The following DOCK6 variants were observed in gnomAD, a reference collection of about 807,000 sequenced individuals.
DOCK6 encodes dedicator of cytokinesis protein 6.
DOCK6 carries 167 observed loss-of-function variants against 230.3 expected under a neutral mutation model. The ratio of observed to expected loss-of-function variants is 0.73; its 90% CI spans 0.64 to 0.82. The LOEUF is 0.82. Among genes scored for constraint, DOCK6 ranks in the 40% least tolerant of loss-of-function variants. The pLI is 0.00. For synonymous variants in DOCK6, 1,148 were observed against 1,185.0 expected, an observed-to-expected ratio of 0.97 and a Z score of 0.64; for missense variants, 2,598 against 2,825.8, an observed-to-expected ratio of 0.92 and a Z score of 1.83.
intron 37 of DOCK6, 132 bp from the exon 38 acceptor site, chr19:11,209,235 C>A: frequency 9.8e-7 from 1 of 1,020,200 alleles, no homozygotes; most frequent in Non-Finnish European, 1.4e-6. Context: ...CTCACCTGTA[C>A]CCCATCCCCT....
chr19:11,215,280 T>C, intron 32 of DOCK6, 107 bp downstream of exon 32: 1 of 971,938 alleles, frequency 1.0e-6, no homozygotes, highest in East Asian at 2.6e-5. Flanking sequence ...GTAGAGAGGG[T>C]CTTACTATGT....
In DOCK6 at chr19:11,222,704, A is replaced by G; in HGVS notation, c.3240+31T>C. On this transcript the variant is annotated intron_variant, in intron 26 of 47. Transcript: ENST00000294618. This position sits in a 1 kb window ranked among gnomAD's most constrained non-coding sequence, Gnocchi z 4.0. Reference sequence around the variant, plus strand: ...ACTGAAGGTGAGAGGTTGTAGGTCAAAGAGAGGAGGCAGAAGTGAAGGCAG... The same window carrying G: ...ACTGAAGGTGAGAGGTTGTAGGTCAGAGAGAGGAGGCAGAAGTGAAGGCAG... 1 of 1,544,992 alleles carries G rather than the reference A, an allele frequency of 6.5e-7. No homozygotes were observed. The highest frequency in any genetic ancestry group is 1.4e-5 in the African/African-American group (1 of 73,384).
rs189925805 is a variant in DOCK6 at position 11,216,960 on chromosome 19, C to T, written c.3848G>A (p.Arg1283His). Reference protein sequence around the residue: ...ATDLTLPQLGRLLDLLYLCLA... With the variant: ...ATDLTLPQLGHLLDLLYLCLA... The stretch of plus-strand genomic sequence containing the variant: ...GCAAAGGTACAGCAAATCCAACAGA[C>T]GTCCCAGCTGGGGGAGTGTCAGGTC... The change falls in exon 30 of 48, where the codon CGT (arginine) becomes CAT (histidine). Residue 1283 changes from arginine (R) to histidine (H), a missense_variant. Coordinates refer to ENST00000294618, the MANE Select transcript of DOCK6 (RefSeq NM_020812.4). 2.4e-4 allele frequency: 395 copies of T among 1,613,806 alleles called. No homozygotes were observed. The highest frequency in any genetic ancestry group is 7.6e-4 in the East Asian group (34 of 44,888).
intron 1 of DOCK6, among the ~76,000 whole-genome samples, chr19:11,261,027 A>C (rs2080279122): frequency 6.6e-6 from 1 of 152,076 alleles, no homozygotes; most frequent in Non-Finnish European, 1.5e-5. Context: ...ATGATAGAAC[A>C]TAAAAATTGC....
rs1182249191 is a variant in DOCK6, at chr19:11,236,025, C to G, written c.2393-266G>C. Reference sequence around the variant, plus strand: ...CCTCCCGAGTAGCTGGGATTACAGGCATGCGCCACCACGCCCAGCTAATTT... The same window carrying G: ...CCTCCCGAGTAGCTGGGATTACAGGGATGCGCCACCACGCCCAGCTAATTT... On this transcript the variant is annotated intron_variant, in intron 20 of 47. Transcript: ENST00000294618. This position sits in a 1 kb window ranked among gnomAD's most constrained non-coding sequence, Gnocchi z 5.2. 2.0e-6 allele frequency: 1 copy of G among 500,804 alleles called. No individual in the cohort carries two copies. The highest frequency in any genetic ancestry group is 3.5e-5 in the East Asian group (1 of 28,384). 31.0% of individuals were successfully genotyped at this position (500,804 alleles called of 1,614,324 possible).
chr19:11,240,357 T>G, intron 14 of DOCK6: 3 of 1,460,732 alleles, frequency 2.1e-6, no homozygotes, highest in Non-Finnish European at 2.7e-6. Flanking sequence ...AACTCGCTTC[T>G]GCACCTTGAG....
In DOCK6 at chr19:11,237,046, T is replaced by C. The variant is rs2079860407; in HGVS notation, c.2074-167A>G. ...GTCCCAGTAGACTGAGAGGGTCCACTGGGCAGGCTGGAAATCCACATGCCA... is the reference window on the plus strand; with the variant it reads ...GTCCCAGTAGACTGAGAGGGTCCACCGGGCAGGCTGGAAATCCACATGCCA... On this transcript the variant is annotated intron_variant, in intron 18 of 47. Transcript: ENST00000294618. 2.9e-5 allele frequency: 19 copies of C among 652,598 alleles called. No individual in the cohort carries two copies. The South Asian group carries it at 3.8e-4, about 13-fold the overall frequency. The allele number at this position is 652,598 out of a possible 1,614,324, so 40.4% of individuals were successfully genotyped here.
Position 11,252,207 on chromosome 19 carries a change from T to C in DOCK6, c.419A>G (p.Asp140Gly), listed in dbSNP as rs2080128272. 1 of 1,583,456 alleles carries C rather than the reference T, an allele frequency of 6.3e-7. No individual in the cohort carries two copies. Among genetic ancestry groups the C allele is most frequent in the Admixed American group, 1.8e-5 (1 of 54,458 alleles). The stretch of plus-strand genomic sequence containing the variant: ...GCCCTTCTGTCGCTCCCGCTGTGTG[T>C]CTGTGGTGACGGGGCTGTATGCTGC... Reference protein sequence around the residue: ...LSAAYSPVTTDTQRERQKGLP... With the variant: ...LSAAYSPVTTGTQRERQKGLP... Residue 140 changes from aspartate to glycine, a missense_variant, in exon 5 of 48, where the codon GAC becomes GGC. Physicochemically the swap from Asp to Gly is moderately conservative, Grantham distance 94. Coordinates refer to ENST00000294618, the MANE Select transcript of DOCK6 (RefSeq NM_020812.4).
At chr19:11,246,371 G>T (rs2080034067) in intron 7 of DOCK6, among the ~76,000 whole-genome samples, 1 of 152,072 alleles carries the variant, frequency 6.6e-6, no homozygotes. Flanking sequence ...CTCCCAAAGT[G>T]CTGGGATAAT....
At position 11,235,821 on chromosome 19, in the gene DOCK6, T is replaced by C. The variant is rs568573572; in HGVS notation, c.2393-62A>G. The C allele has an allele frequency of 5.8e-4, 877 of 1,517,332 alleles. 7 individuals carry two copies. The South Asian group carries it at 9.0e-3, about 16-fold the overall frequency. The allele number at this position is 1,517,332 out of a possible 1,614,324, so 94.0% of individuals were successfully genotyped here. ...AGGCCTCTCACCTCCCCGCCCACTT[T>C]CCAAATATAAAGACATCAGGATTTG... is the stretch of plus-strand genomic sequence containing the variant. On this transcript the variant is annotated intron_variant, in intron 20 of 47. Transcript: ENST00000294618.
chr19:11,213,235 G>A lies in DOCK6; in HGVS notation c.4432C>T (p.Arg1478Cys), dbSNP rs762177945. Residue 1478 changes from arginine to cysteine, a missense_variant, in exon 35 of 48, where the codon CGC becomes TGC. Arg to Cys is a radical substitution (Grantham distance 180). Transcript: ENST00000294618. ...RHCGSRISTI[R>C]THASASLYLL... ...TACAGCGAGGCGCTGGCGTGCGTGC[G>A]GATGGTGCTGATGCGGCTGCCACAG... is the stretch of plus-strand genomic sequence containing the variant. 8.1e-6 allele frequency: 13 copies of A among 1,613,110 alleles called. No homozygotes were observed. The highest frequency in any genetic ancestry group is 1.1e-5 in the South Asian group (1 of 91,078).
Position 11,203,784 on chromosome 19 carries a change from C to T in DOCK6, c.5235+297G>A. ...AGAGACCAAGAGACCATGAGGGAGT[C>T]AAGAGTCACCCCGCCACCCCCCTGC... On this transcript the variant is annotated intron_variant, in intron 41 of 47. Transcript: ENST00000294618. The T allele has an allele frequency of 5.5e-6, 3 of 541,580 alleles. No homozygotes were observed. The South Asian group carries it at 7.5e-5, about 14-fold the overall frequency. 33.5% of individuals were successfully genotyped at this position (541,580 alleles called of 1,614,324 possible). A position where few individuals can be genotyped will look rare whatever the true frequency, so the allele number is the denominator to read the frequency against.
At chr19:11,259,218 G>A (rs915618557) in intron 1 of DOCK6, among the ~76,000 whole-genome samples, 1 of 151,960 alleles carries the variant, frequency 6.6e-6, no homozygotes, top group African/African-American at 2.4e-5. Flanking sequence ...TCACACCTGG[G>A]TAATTTTGTT....
chr19:11,242,973 C>T lies in DOCK6; in HGVS notation c.1480+86G>A. 2.7e-6 allele frequency: 4 copies of T among 1,504,886 alleles called. No homozygotes were observed. In the South Asian group the frequency reaches 3.4e-5, roughly 13 times the overall value. The allele number at this position is 1,504,886 out of a possible 1,614,324, so 93.2% of individuals were successfully genotyped here. On this transcript the variant is annotated intron_variant, in intron 13 of 47. Transcript: ENST00000294618. The stretch of plus-strand genomic sequence containing the variant: ...ATGGTCATCGTTGGGTCTCTGATGC[C>T]CCTGGCACAGTAGGTGCTCTCAGTG...
Position 11,248,149 on chromosome 19 carries a change from A to G in DOCK6, c.723T>C (p.Asp241=). ...LLTLYPAPDE[D]EAVERCSRPE... is the part of the protein sequence containing the mutation. ...GGCGGCTACAGCGTTCCACGGCTTC[A>G]TCCTGCCAAGAGTGGGGGGTGGGAG... Residue 241 remains aspartate (D), a splice_region_variant and synonymous_variant, in exon 7 of 48, where the codon GAT becomes GAC. Coordinates refer to ENST00000294618, the MANE Select transcript of DOCK6 (RefSeq NM_020812.4). 6.2e-7 allele frequency: 1 copy of G among 1,606,020 alleles called. No individual in the cohort carries two copies.
At chr19:11,241,931 T>C (rs2079952898) in intron 14 of DOCK6, 114 bp downstream of exon 14, 1 of 1,374,492 alleles carries the variant, frequency 7.3e-7, no homozygotes, top group Non-Finnish European at 9.9e-7. Context: ...TAAAGCAGAG[T>C]CGTGGCATCT....
At chr19:11,215,636 A>G (rs2147761023) in intron 31 of DOCK6, 165 bp from the exon 32 acceptor site, 1 of 1,339,346 alleles carries the variant, frequency 7.5e-7, no homozygotes, top group Admixed American at 2.0e-5. Context: ...CACGAGTGAC[A>G]GATGGGGACG....
chr19:11,207,234 C>T (rs1315536405), intron 39 of DOCK6, among the ~76,000 whole-genome samples: 1 of 152,142 alleles, frequency 6.6e-6, no homozygotes, highest in Non-Finnish European at 1.5e-5. Flanking sequence ...CACTCTGTCA[C>T]ATAGGTTGGA....
At position 11,222,273 on chromosome 19, in the gene DOCK6, G is replaced by T. The variant is rs1479432619; in HGVS notation, c.3241-25C>A. 2 of 1,581,800 alleles carry T rather than the reference G, an allele frequency of 1.3e-6. No individual in the cohort carries two copies. Among genetic ancestry groups the T allele is most frequent in the Non-Finnish European group, 1.7e-6 (2 of 1,164,044 alleles). ...TCTGCAGAGTGGGGGAAAAATGGGGGATGCCAGCGGTCAAGGGTCAGAGGT... is the reference window on the plus strand; with the variant it reads ...TCTGCAGAGTGGGGGAAAAATGGGGTATGCCAGCGGTCAAGGGTCAGAGGT... On this transcript the variant is annotated intron_variant, in intron 26 of 47. Transcript: ENST00000294618. The surrounding 1 kb of genome is among the most constrained non-coding windows in gnomAD (Gnocchi z 4.0).
Sources: allele counts gnomAD v4.1 joint callset (sites outside exome capture counted in the v4.1 genomes callset), GRCh38; gene constraint gnomAD v4.1.1; non-coding constraint Gnocchi (gnomAD v3.1); transcripts MANE v1.5; gene names NCBI Gene and HGNC (gene_info 2026-07-23, HGNC 2026-07-21).